Variants in PHKA1 observed in about 807,000 individuals in gnomAD.
PHKA1 encodes the protein phosphorylase b kinase regulatory subunit alpha, skeletal muscle isoform.
Under a neutral mutation model 110.2 loss-of-function variants are expected in PHKA1, and 60 were observed. The observed-to-expected ratio is 0.54, with a 90% CI of 0.44 to 0.68. PHKA1 has a LOEUF of 0.68. Among genes scored for constraint, PHKA1 ranks in the 30% least tolerant of loss-of-function variants. The pLI is 0.00. For missense variants in PHKA1, 801 were observed against 942.5 expected, an observed-to-expected ratio of 0.85 and a Z score of 1.97; for synonymous variants, 316 against 333.6, an observed-to-expected ratio of 0.95 and a Z score of 0.58.
intron 29 of PHKA1, among the ~76,000 whole-genome samples, chrX:72,584,921 G>A (rs1238693826): frequency 1.4e-5 from 1 of 72,426 alleles, no homozygotes; most frequent in Non-Finnish European, 2.4e-5. Flanking sequence ...CCCATGACAG[G>A]CCCCAGTGTG....
intron 25 of PHKA1, 31 bp from the exon 26 acceptor site, chrX:72,603,251 C>A: frequency 1.1e-6 from 1 of 947,279 alleles, no homozygotes; most frequent in South Asian, 2.0e-5. Context: ...AACAGAAGGA[C>A]TTCTAATTTG....
chrX:72,586,519 T>C (rs1556213380), intron 29 of PHKA1, among the ~76,000 whole-genome samples: 3 of 111,300 alleles, frequency 2.7e-5, no homozygotes, highest in Non-Finnish European at 5.7e-5. Flanking sequence ...AGAGCGCCTC[T>C]TCTCCTCCAA....
intron 14 of PHKA1, among the ~76,000 whole-genome samples, chrX:72,643,131 T>C (rs1359880936): frequency 8.1e-5 from 9 of 110,958 alleles, no homozygotes; most frequent in African/African-American, 2.3e-4. Context: ...AGAAATTAAG[T>C]GACTGGAGTT....
chrX:72,702,093 C>T (rs2054212111), intron 3 of PHKA1, among the ~76,000 whole-genome samples: 2 of 110,967 alleles, frequency 1.8e-5, no homozygotes, highest in Admixed American at 1.9e-4. Flanking sequence ...TCCCTGAAAA[C>T]TCAGCTGTGC....
chrX:72,618,932 C>T, intron 20 of PHKA1, 83 bp from the exon 21 acceptor site: 1 of 896,020 alleles, frequency 1.1e-6, no homozygotes, highest in Non-Finnish European at 1.6e-6. Flanking sequence ...CATATTTTCA[C>T]CTCTAAACCT....
At chrX:72,651,288 G>A (rs1354374347) in intron 12 of PHKA1, among the ~76,000 whole-genome samples, 1 of 111,481 alleles carries the variant, frequency 9.0e-6, no homozygotes, top group Non-Finnish European at 1.9e-5. Context: ...TGTAATCCCA[G>A]CACTTTGGGA....
intron 5 of PHKA1, among the ~76,000 whole-genome samples, chrX:72,676,577 G>C (rs572170747): frequency 9.0e-6 from 1 of 111,376 alleles, no homozygotes; most frequent in African/African-American, 3.3e-5. Flanking sequence ...ACTAATTTAC[G>C]CATTTTACAT....
chrX:72,684,986 C>T (rs2053951900), intron 4 of PHKA1, among the ~76,000 whole-genome samples: 1 of 111,467 alleles, frequency 9.0e-6, no homozygotes, highest in South Asian at 3.8e-4. Flanking sequence ...TTAAAAAGGA[C>T]TTAAATTGCA....
intron 13 of PHKA1, among the ~76,000 whole-genome samples, chrX:72,646,773 TA>T (rs2147751540): frequency 9.0e-6 from 1 of 111,001 alleles, no homozygotes; most frequent in South Asian, 3.8e-4. Flanking sequence ...ACCTTAAAAA[TA>T]GTACATTCAG....
rs1349305437 is a variant in PHKA1, at chrX:72,610,206, C to T, written c.2527-503G>A. Among the ~76,000 whole-genome samples the T allele has an allele frequency of 8.1e-5, 9 of 111,089 alleles. No individual in the cohort carries two copies. In the East Asian group the frequency reaches 2.6e-3, roughly 32 times the overall value. On this transcript the variant is annotated intron_variant, in intron 22 of 31. Transcript: ENST00000373542. ...AGTCACCCTATTGTGACACCAAATA[C>T]TAGATCTTATTCCTTCAATCTAGTT...
At chrX:72,585,737 T>A (rs1556211529) in intron 29 of PHKA1, among the ~76,000 whole-genome samples, 1 of 112,348 alleles carries the variant, frequency 8.9e-6, no homozygotes. Context: ...ACTTTTCCAG[T>A]GGTCTTAGCA....
At chrX:72,619,382 T>G (rs1197263988) in intron 19 of PHKA1, 77 bp from the exon 20 acceptor site, 1 of 606,278 alleles carries the variant, frequency 1.6e-6, no homozygotes, top group African/African-American at 2.2e-5. Flanking sequence ...CTTCAACAAT[T>G]AAGTCACATG....
intron 16 of PHKA1, among the ~76,000 whole-genome samples, chrX:72,634,117 A>C (rs1354334747): frequency 8.9e-5 from 10 of 112,464 alleles, no homozygotes; most frequent in African/African-American, 2.9e-4. Flanking sequence ...CTAATGGTTT[A>C]GTAATTCTTT....
At position 72,680,106 on chromosome X, in the gene PHKA1, C is replaced by T. The variant is rs184563033; in HGVS notation, c.538-3956G>A. ...CTTGGCTCACCGCAACCTCTACCTC[C>T]GGGGTTCAAGCGATTCTCCTGCCTC... is the stretch of plus-strand genomic sequence containing the variant. On this transcript the variant is annotated intron_variant, in intron 5 of 31. Coordinates refer to ENST00000373542, the MANE Select transcript of PHKA1 (RefSeq NM_002637.4). 3.7e-3 allele frequency among the ~76,000 whole-genome samples: 405 copies of T among 110,538 alleles called. 1 individual carries two copies. Among genetic ancestry groups the T allele is most frequent in the African/African-American group, 0.013 (389 of 30,260 alleles).
At chrX:72,641,046 G>C (rs180733378) in intron 14 of PHKA1, among the ~76,000 whole-genome samples, 1 of 110,970 alleles carries the variant, frequency 9.0e-6, no homozygotes, top group East Asian at 2.8e-4. Context: ...AGCAAAAATA[G>C]AAAAACGTAC....
chrX:72,688,186 A>G (rs921416905), intron 4 of PHKA1, among the ~76,000 whole-genome samples: 2 of 111,585 alleles, frequency 1.8e-5, no homozygotes, highest in Admixed American at 9.6e-5. Context: ...GTAACTTTAT[A>G]ATTAAAAAGA....
At chrX:72,636,180 T>A in intron 15 of PHKA1, 97 bp downstream of exon 15, 1 of 559,183 alleles carries the variant, frequency 1.8e-6, no homozygotes, top group Non-Finnish European at 3.2e-6. Flanking sequence ...GTGGAACTCT[T>A]TGACACTTAT....
rs140494915 is a variant in PHKA1 at position 72,673,727 on chromosome X, G to A, written c.618+2343C>T. On this transcript the variant is annotated intron_variant, in intron 6 of 31. Transcript: ENST00000373542. ...AATGACATCTATGGTACATAATGAC[G>A]TATATCTATCATATGAGGATGGGAA... Among the ~76,000 whole-genome samples, 553 of 109,045 alleles carry A rather than the reference G, an allele frequency of 5.1e-3. 1 individual carries two copies. The highest frequency in any genetic ancestry group is 0.016 in the African/African-American group (475 of 30,106). The allele number at this position is 109,045 out of a possible 115,157, so 94.7% of individuals were successfully genotyped here. A position where few individuals can be genotyped will look rare whatever the true frequency, so the allele number is the denominator to read the frequency against.
intron 6 of PHKA1, among the ~76,000 whole-genome samples, chrX:72,672,053 A>C (rs1252153739): frequency 8.9e-6 from 1 of 112,435 alleles, no homozygotes; most frequent in Non-Finnish European, 1.9e-5. Context: ...ATCCAGGTGG[A>C]AACTGTCATG....
Sources: allele counts gnomAD v4.1 joint callset (sites outside exome capture counted in the v4.1 genomes callset), GRCh38; gene constraint gnomAD v4.1.1; transcripts MANE v1.5; gene names NCBI Gene and HGNC (gene_info 2026-07-23, HGNC 2026-07-21).